Variants in RAB35 observed in about 807,000 individuals in gnomAD.
RAB35 encodes the protein RAB35, member RAS oncogene family, also known as ras-related protein Rab-35.
RAB35 carries 4 observed loss-of-function variants against 28.9 expected under a neutral mutation model. The observed-to-expected ratio is 0.14, with a 90% CI of 0.07 to 0.32. The LOEUF (loss-of-function observed/expected upper bound fraction) is 0.32, where lower values mean the gene tolerates loss of function less well. Among genes scored for constraint, RAB35 ranks in the 10% least tolerant of loss-of-function variants. The pLI is 1.00. For missense variants in RAB35, 128 were observed against 274.0 expected (o/e 0.47, Z 3.76); for synonymous variants, 99 against 105.1 (o/e 0.94, Z 0.35).
intron 1 of RAB35, among the ~76,000 whole-genome samples, chr12:120,109,769 G>A (rs539653949): frequency 2.6e-5 from 4 of 151,236 alleles, no homozygotes; most frequent in South Asian, 4.2e-4. Flanking sequence ...CTCCCAAAGC[G>A]CTGGGATTAC....
At chr12:120,098,021 C>T (rs1192206627) in intron 5 of RAB35, among the ~76,000 whole-genome samples, 2 of 151,888 alleles carry the variant, frequency 1.3e-5, no homozygotes, top group Non-Finnish European at 2.9e-5. Flanking sequence ...GTAGCTGGGA[C>T]TACAGGCGCC....
chr12:120,107,768 G>T (rs1284866853), intron 2 of RAB35, among the ~76,000 whole-genome samples: 2 of 145,704 alleles, frequency 1.4e-5, no homozygotes, highest in African/African-American at 5.1e-5. Context: ...TTGGGAGGTT[G>T]AGACAGGAGA....
chr12:120,112,134 G>A (rs1256824082), intron 1 of RAB35, among the ~76,000 whole-genome samples: 1 of 152,034 alleles, frequency 6.6e-6, no homozygotes, highest in African/African-American at 2.4e-5. Context: ...CCGCCATCAC[G>A]CCCAGCTAAT....
intron 1 of RAB35, among the ~76,000 whole-genome samples, chr12:120,110,293 T>TTTTTTTTTTTTTTTTTTTTTTTG (rs1876065623): frequency 7.1e-6 from 1 of 140,636 alleles, no homozygotes; most frequent in Non-Finnish European, 1.5e-5. Context: ...CCACAGCATT[T>TTTTTTTTTTTTTTTTTTTTTTTG]TTTTTTTTTT....
intron 1 of RAB35, among the ~76,000 whole-genome samples, chr12:120,113,963 TG>T (rs1199216443): frequency 1.3e-5 from 2 of 152,242 alleles, no homozygotes; most frequent in Admixed American, 6.5e-5. Flanking sequence ...CCAGCATTCA[TG>T]GAGGGCCTAT....
chr12:120,099,350 C>G, intron 3 of RAB35, 196 bp from the exon 4 acceptor site: 1 of 690,202 alleles, frequency 1.4e-6, no homozygotes, highest in Non-Finnish European at 2.4e-6. Context: ...AGCACTGACT[C>G]CCCCTGCCCG....
intron 3 of RAB35, 27 bp from the exon 4 acceptor site, chr12:120,099,181 T>C (rs1875557346): frequency 6.2e-7 from 1 of 1,613,702 alleles, no homozygotes. Flanking sequence ...TGCGGCAGCA[T>C]GTCAACCCCG....
rs946213587 is a variant in RAB35 at position 120,095,449 on chromosome 12, T to TGATC, written c.*1792_*1795dup. 1 of 150,532 alleles carries TGATC rather than the reference T, an allele frequency of 6.6e-6. No individual in the cohort carries two copies. Among genetic ancestry groups the TGATC allele is most frequent in the African/African-American group, 2.5e-5 (1 of 40,452 alleles). 9.3% of individuals were successfully genotyped at this position (150,532 alleles called of 1,614,324 possible). ...CAAGCACACCCTCGCTGGCCTCGCC[T>TGATC]GATCGCTCAGAGGCCAGCATGCCCC... On this transcript the variant is annotated 3_prime_UTR_variant, in exon 6 of 6. Transcript: ENST00000229340.
At chr12:120,099,208 T>A (rs1875559416) in intron 3 of RAB35, 54 bp from the exon 4 acceptor site, 1 of 1,608,784 alleles carries the variant, frequency 6.2e-7, no homozygotes, top group Non-Finnish European at 8.5e-7. Flanking sequence ...GTCACCCCCT[T>A]GCCGGGACCC....
At position 120,096,428 on chromosome 12, in the gene RAB35, C is replaced by T; in HGVS notation, c.*817G>A. The T allele has an allele frequency of 7.8e-7, 1 of 1,287,150 alleles. No individual in the cohort carries two copies. Among genetic ancestry groups the T allele is most frequent in the Non-Finnish European group, 1.0e-6 (1 of 987,056 alleles). 79.7% of individuals were successfully genotyped at this position (1,287,150 alleles called of 1,614,324 possible). On this transcript the variant is annotated 3_prime_UTR_variant, in exon 6 of 6. Transcript: ENST00000229340. ...TTTCTTGATCTGTTAAAATAATCCT[C>T]CCATAGCCCCCCTGCCAGCCCCATC...
chr12:120,102,076 G>A (rs764338911), intron 3 of RAB35, among the ~76,000 whole-genome samples: 1 of 152,162 alleles, frequency 6.6e-6, no homozygotes, highest in Admixed American at 6.5e-5. Flanking sequence ...AGGAAGGCAG[G>A]GGCGCCACCT....
intron 1 of RAB35, among the ~76,000 whole-genome samples, chr12:120,115,506 T>A: frequency 6.6e-6 from 1 of 152,150 alleles, no homozygotes; most frequent in Non-Finnish European, 1.5e-5. Context: ...TTCGCTCCCA[T>A]AAACCTTCTG....
intron 3 of RAB35, among the ~76,000 whole-genome samples, chr12:120,101,732 G>A (rs985596069): frequency 1.4e-5 from 2 of 142,048 alleles, no homozygotes; most frequent in Non-Finnish European, 3.1e-5. Flanking sequence ...TGCTTCCCCA[G>A]ACACGTGGGA....
chr12:120,113,830 A>C (rs867659067), intron 1 of RAB35, among the ~76,000 whole-genome samples: 1 of 149,926 alleles, frequency 6.7e-6, no homozygotes, highest in Non-Finnish European at 1.5e-5. Context: ...AAAAAAAAAA[A>C]AGGAAAAAAA....
intron 2 of RAB35, among the ~76,000 whole-genome samples, chr12:120,105,081 T>C (rs537473018): frequency 1.3e-5 from 2 of 152,212 alleles, no homozygotes; most frequent in Middle Eastern, 3.4e-3. Flanking sequence ...CACACAATTA[T>C]GTGAAATGTG....
chr12:120,104,049 G>A (rs954871427), intron 2 of RAB35, 100 bp from the exon 3 acceptor site: 18 of 1,478,970 alleles, frequency 1.2e-5, no homozygotes, highest in South Asian at 2.6e-5. Context: ...CCACCCTCCC[G>A]ACTCATTACA....
chr12:120,095,557 C>G lies in RAB35; in HGVS notation c.*1688G>C, dbSNP rs1379317637. On this transcript the variant is annotated 3_prime_UTR_variant, in exon 6 of 6. Transcript: ENST00000229340. ...AGGACAGTCCCAAGGACGGAGACCCCGCTTCTGCTCCTGCCGCCCCCGCCC... is the reference window on the plus strand; with the variant it reads ...AGGACAGTCCCAAGGACGGAGACCCGGCTTCTGCTCCTGCCGCCCCCGCCC... 1 of 152,596 alleles carries G rather than the reference C, an allele frequency of 6.6e-6. No homozygotes were observed. The highest frequency in any genetic ancestry group is 6.5e-5 in the Admixed American group (1 of 15,280). The allele number at this position is 152,596 out of a possible 1,614,324, so 9.5% of individuals were successfully genotyped here.
intron 5 of RAB35, 90 bp from the exon 6 acceptor site, chr12:120,097,463 C>T (rs1352872553): frequency 8.8e-6 from 9 of 1,028,170 alleles, no homozygotes; most frequent in Non-Finnish European, 1.3e-5. Flanking sequence ...TTCCGGGGCC[C>T]AGCTCTTTCT....
Position 120,096,053 on chromosome 12 carries a change from G to A in RAB35, c.*1192C>T, listed in dbSNP as rs967073199. Reference sequence around the variant, plus strand: ...CCGCCCCAGCCATTCCTTCCCACCCGCCAGGAAATCCTCTTGCTACCTTTG... The same window carrying A: ...CCGCCCCAGCCATTCCTTCCCACCCACCAGGAAATCCTCTTGCTACCTTTG... On this transcript the variant is annotated 3_prime_UTR_variant, in exon 6 of 6. Coordinates refer to ENST00000229340, the MANE Select transcript of RAB35 (RefSeq NM_006861.7). The A allele has an allele frequency of 5.0e-5, 9 of 180,994 alleles. No homozygotes were observed. The highest frequency in any genetic ancestry group is 3.4e-4 in the South Asian group (3 of 8,950). The allele number at this position is 180,994 out of a possible 1,614,324, so 11.2% of individuals were successfully genotyped here. A position where few individuals can be genotyped will look rare whatever the true frequency, so the allele number is the denominator to read the frequency against.
Sources: gnomAD v4.1 joint callset for allele counts (sites outside exome capture counted in the v4.1 genomes callset) on GRCh38, gnomAD v4.1.1 for gene constraint, MANE v1.5 for transcripts, NCBI Gene and HGNC (gene_info 2026-07-23, HGNC 2026-07-21) for gene names.